The following SPOCK3 variants were observed in gnomAD, a reference collection of about 807,000 sequenced individuals.
SPOCK3 encodes testican-3.
A neutral mutation model predicts 56.6 loss-of-function variants in SPOCK3; 30 were observed. That is an observed-to-expected ratio of 0.53 (90% CI 0.40 to 0.72). SPOCK3 has a LOEUF of 0.72. Ranked by LOEUF, SPOCK3 falls within the 30% of genes least tolerant of loss-of-function variation. SPOCK3 has a pLI of 0.00. For synonymous variants in SPOCK3, 196 were observed against 183.3 expected (o/e 1.07, Z -0.56); for missense variants, 527 against 530.0 (o/e 0.99, Z 0.06).
At chr4:167,151,435 CTTTT>C (rs5863862) in intron 2 of SPOCK3, among the ~76,000 whole-genome samples, 8 of 95,644 alleles carry the variant, frequency 8.4e-5, no homozygotes, top group Non-Finnish European at 1.1e-4. Context: ...CCTTTTTTTT[CTTTT>C]TTTTTTTTTT....
At chr4:166,950,329 G>A (rs551070687) in intron 4 of SPOCK3, among the ~76,000 whole-genome samples, 1 of 151,336 alleles carries the variant, frequency 6.6e-6, no homozygotes, top group Admixed American at 6.6e-5. Flanking sequence ...AAGATCAAAA[G>A]AGACAAAGAA....
chr4:166,969,065 C>A lies in SPOCK3; in HGVS notation c.350+31284G>T, dbSNP rs974257470. On this transcript the variant is annotated intron_variant, in intron 4 of 10. Coordinates refer to ENST00000357545, the MANE Select transcript of SPOCK3 (RefSeq NM_001040159.2). ...TTTCAAACTTGCATGGGGTCTGTAG[C>A]CCCTTTCTTTTGGCTGATTTCTCCC... 3.3e-5 allele frequency among the ~76,000 whole-genome samples: 5 copies of A among 152,146 alleles called. 1 individual carries two copies. Among genetic ancestry groups the A allele is most frequent in the African/African-American group, 1.2e-4 (5 of 41,442 alleles).
chr4:166,912,399 A>C (rs1361564058), intron 5 of SPOCK3, among the ~76,000 whole-genome samples: 1 of 152,186 alleles, frequency 6.6e-6, no homozygotes. Flanking sequence ...GTTGGCTTTG[A>C]TATCTGAGGG....
chr4:166,832,716 G>A (rs1275694072), intron 6 of SPOCK3, among the ~76,000 whole-genome samples: 1 of 152,180 alleles, frequency 6.6e-6, no homozygotes, highest in African/African-American at 2.4e-5. Flanking sequence ...GGAATACTAT[G>A]CAGTCATGAA....
intron 4 of SPOCK3, among the ~76,000 whole-genome samples, chr4:166,997,545 T>G (rs1748511399): frequency 6.6e-6 from 1 of 152,146 alleles, no homozygotes. Flanking sequence ...TTCCTAAATA[T>G]TTTACAAATG....
chr4:166,849,538 G>T (rs1748462260), intron 6 of SPOCK3, among the ~76,000 whole-genome samples: 2 of 152,010 alleles, frequency 1.3e-5, no homozygotes, highest in Non-Finnish European at 2.9e-5. Context: ...AAGAGAACAA[G>T]AAATTTAAAG....
At chr4:167,214,638 G>A (rs1426982378) in intron 2 of SPOCK3, among the ~76,000 whole-genome samples, 1 of 152,014 alleles carries the variant, frequency 6.6e-6, no homozygotes, top group Non-Finnish European at 1.5e-5. Context: ...GAAAAATAAA[G>A]TCTATAAATT....
At chr4:167,115,073 C>A (rs815212) in intron 2 of SPOCK3, among the ~76,000 whole-genome samples, 1 of 151,916 alleles carries the variant, frequency 6.6e-6, no homozygotes, top group Non-Finnish European at 1.5e-5. Flanking sequence ...CTACGGGAAA[C>A]ATAATATTTG....
At chr4:167,020,066 C>A (rs1193011377) in intron 3 of SPOCK3, among the ~76,000 whole-genome samples, 2 of 152,052 alleles carry the variant, frequency 1.3e-5, no homozygotes, top group Non-Finnish European at 2.9e-5. Flanking sequence ...AATGAGATAA[C>A]TTTGGGACCT....
chr4:166,865,359 TG>T (rs1301611104), intron 6 of SPOCK3, among the ~76,000 whole-genome samples: 7 of 152,208 alleles, frequency 4.6e-5, no homozygotes, highest in African/African-American at 1.4e-4. Flanking sequence ...GAATTCCCTT[TG>T]AAACCGGCAC....
chr4:166,778,571 C>A (rs1396819905), intron 7 of SPOCK3, among the ~76,000 whole-genome samples: 8 of 152,140 alleles, frequency 5.3e-5, no homozygotes, highest in Admixed American at 4.6e-4. Context: ...ATTCAATACA[C>A]ACTACTAGGC....
At chr4:167,055,605 T>C (rs936476587) in intron 3 of SPOCK3, among the ~76,000 whole-genome samples, 3 of 152,194 alleles carry the variant, frequency 2.0e-5, no homozygotes, top group Non-Finnish European at 2.9e-5. Flanking sequence ...ACCTGAATAC[T>C]GCGCTTTTCC....
chr4:167,066,114 T>A (rs1756103508), intron 2 of SPOCK3, among the ~76,000 whole-genome samples: 2 of 151,930 alleles, frequency 1.3e-5, no homozygotes, highest in African/African-American at 2.4e-5. Context: ...TGTGTTTTAT[T>A]GTTTAAACTG....
intron 6 of SPOCK3, among the ~76,000 whole-genome samples, chr4:166,794,411 G>T (rs1741684370): frequency 6.6e-6 from 1 of 151,808 alleles, no homozygotes; most frequent in African/African-American, 2.4e-5. Flanking sequence ...ATCTCTAGAA[G>T]GATTTATATA....
chr4:167,224,430 T>C (rs910891831), intron 2 of SPOCK3, among the ~76,000 whole-genome samples: 6 of 152,144 alleles, frequency 3.9e-5, no homozygotes, highest in Admixed American at 1.3e-4. Flanking sequence ...ATAGAAACAT[T>C]AACATATAGT....
At chr4:166,867,046 C>T (rs137984289) in intron 6 of SPOCK3, among the ~76,000 whole-genome samples, 5 of 152,072 alleles carry the variant, frequency 3.3e-5, no homozygotes, top group African/African-American at 1.2e-4. Flanking sequence ...ACAAATTGAA[C>T]CTTCCTCTCT....
intron 7 of SPOCK3, among the ~76,000 whole-genome samples, chr4:166,786,169 G>A (rs1245108575): frequency 6.6e-6 from 1 of 152,114 alleles, no homozygotes; most frequent in African/African-American, 2.4e-5. Flanking sequence ...GCAACGAGCT[G>A]GATGAAGTGA....
At chr4:166,912,778 T>A (rs374367451) in intron 4 of SPOCK3, 35 bp from the exon 5 acceptor site, 2 of 1,553,552 alleles carry the variant, frequency 1.3e-6, no homozygotes, top group African/African-American at 2.8e-5. Context: ...ATTGAGCATA[T>A]TTATTTTAAA....
chr4:167,057,098 C>T (rs1337246431), intron 3 of SPOCK3, among the ~76,000 whole-genome samples: 1 of 152,206 alleles, frequency 6.6e-6, no homozygotes, highest in Non-Finnish European at 1.5e-5. Context: ...TCGGCAGAAA[C>T]TCTACAAGCC....
Sources: gnomAD v4.1 joint callset for allele counts (sites outside exome capture counted in the v4.1 genomes callset) on GRCh38, gnomAD v4.1.1 for gene constraint, MANE v1.5 for transcripts, NCBI Gene and HGNC (gene_info 2026-07-23, HGNC 2026-07-21) for gene names.